Variants in NPHP4 observed in about 807,000 individuals in gnomAD.
NPHP4 encodes nephrocystin-4.
NPHP4 carries 151 observed loss-of-function variants against 155.8 expected under a neutral mutation model. The observed-to-expected ratio is 0.97, with a 90% CI of 0.85 to 1.11. The LOEUF is 1.11. Ranked by LOEUF, NPHP4 falls within the 50% of genes least tolerant of loss-of-function variation. The probability of loss-of-function intolerance (pLI) is 0.00; values close to 1 mark genes in which losing one functional copy is unlikely to be tolerated. For synonymous variants in NPHP4, 845 were observed against 816.8 expected, an observed-to-expected ratio of 1.03 and a Z score of -0.59; for missense variants, 1,956 against 1,925.7, an observed-to-expected ratio of 1.02 and a Z score of -0.29.
intron 15 of NPHP4, 143 bp from the exon 16 acceptor site, chr1:5,904,947 C>T (rs373255105): frequency 3.7e-5 from 29 of 783,516 alleles, no homozygotes; most frequent in Middle Eastern, 2.6e-4. Flanking sequence ...CCAATGCAAC[C>T]GCTTTGCTGT....
rs1165699052 is a variant in NPHP4 at position 5,977,652 on chromosome 1, A to G, written c.279+618T>C. On this transcript the variant is annotated intron_variant, in intron 3 of 29. Coordinates refer to ENST00000378156, the MANE Select transcript of NPHP4 (RefSeq NM_015102.5). ...GAATGGAATGTATGCTGTGCAGTGA[A>G]CCACAGAGACAGAGCATGCCGGCCC... Among the ~76,000 whole-genome samples, 6 of 150,682 alleles carry G rather than the reference A, an allele frequency of 4.0e-5. No homozygotes were observed. In the East Asian group the frequency reaches 1.0e-3, roughly 26 times the overall value.
intron 2 of NPHP4, among the ~76,000 whole-genome samples, chr1:5,983,902 A>T (rs1224481089): frequency 6.6e-6 from 1 of 152,162 alleles, no homozygotes; most frequent in African/African-American, 2.4e-5. Context: ...TCTACCTGCA[A>T]CCTGTTTACG....
At chr1:5,915,505 G>A (rs1353188352) in intron 11 of NPHP4, among the ~76,000 whole-genome samples, 1 of 152,186 alleles carries the variant, frequency 6.6e-6, no homozygotes, top group African/African-American at 2.4e-5. Context: ...TTTGAAAACA[G>A]GAATGGGAAA....
intron 17 of NPHP4, chr1:5,888,692 A>G (rs1255862140): frequency 2.1e-5 from 22 of 1,072,086 alleles, no homozygotes; most frequent in Non-Finnish European, 2.7e-5. Flanking sequence ...ACAAGGCACC[A>G]TTTTCCTCCC....
At chr1:5,966,050 C>T (rs994357916) in intron 5 of NPHP4, among the ~76,000 whole-genome samples, 10 of 152,164 alleles carry the variant, frequency 6.6e-5, no homozygotes, top group Non-Finnish European at 1.2e-4. Flanking sequence ...GCCCCTCTCT[C>T]GAAGGGTCTG....
chr1:5,875,264 C>T (rs1481393583), intron 20 of NPHP4, among the ~76,000 whole-genome samples, 164 bp from the exon 21 acceptor site: 4 of 152,154 alleles, frequency 2.6e-5, no homozygotes, highest in Admixed American at 6.5e-5. Context: ...TGGAACTGGC[C>T]GGCCCCGCCC....
intron 23 of NPHP4, chr1:5,868,123 G>T: frequency 1.5e-6 from 1 of 668,904 alleles, no homozygotes; most frequent in East Asian, 2.8e-5. Context: ...ACCCACACAG[G>T]GCACCCAAGC....
intron 16 of NPHP4, among the ~76,000 whole-genome samples, chr1:5,893,214 G>C (rs543719666): frequency 6.6e-6 from 1 of 152,206 alleles, no homozygotes; most frequent in Non-Finnish European, 1.5e-5. Flanking sequence ...GTGCGGCAAC[G>C]AGAGAGTGTA....
intron 29 of NPHP4, 102 bp downstream of exon 29, chr1:5,863,788 C>A: frequency 7.7e-7 from 1 of 1,300,626 alleles, no homozygotes; most frequent in Non-Finnish European, 1.1e-6. Flanking sequence ...TTTTGGAAGA[C>A]TGCTGGTGAT....
At chr1:5,868,165 G>A (rs1641465792) in intron 23 of NPHP4, 1 of 551,758 alleles carries the variant, frequency 1.8e-6, no homozygotes, top group Non-Finnish European at 3.4e-6. Flanking sequence ...CGCGAGTACA[G>A]CACACTTCTT....
intron 1 of NPHP4, among the ~76,000 whole-genome samples, chr1:5,986,598 C>T (rs1570769245): frequency 6.6e-6 from 1 of 152,236 alleles, no homozygotes; most frequent in East Asian, 1.9e-4. Context: ...CAATAACACA[C>T]TGTATCTAGG....
intron 7 of NPHP4, among the ~76,000 whole-genome samples, chr1:5,949,798 G>A (rs11120875): frequency 0.37 from 56,666 of 151,916 alleles, 11,367 homozygotes; most frequent in East Asian, 0.75. Context: ...GCCTGAATCC[G>A]GGACCACAAA....
At position 5,907,230 on chromosome 1, in the gene NPHP4, GA is replaced by G; in HGVS notation, c.1504-9del. ...CAGCTGGGAAATTGACAACTGGAAG[GA>G]AAGAGAGCACAGGTGAGGGGCTCAG... On this transcript the variant is annotated splice_polypyrimidine_tract_variant and intron_variant, in intron 12 of 29. Coordinates refer to ENST00000378156, the MANE Select transcript of NPHP4 (RefSeq NM_015102.5). 6.4e-7 allele frequency: 1 copy of G among 1,555,264 alleles called. No individual in the cohort carries two copies. Among genetic ancestry groups the G allele is most frequent in the Non-Finnish European group, 8.7e-7 (1 of 1,144,324 alleles).
Position 5,866,937 on chromosome 1 carries a change from T to G in NPHP4, c.3558+93A>C. 4 of 945,492 alleles carry G rather than the reference T, an allele frequency of 4.2e-6. No homozygotes were observed. The South Asian group carries it at 5.6e-5, about 13-fold the overall frequency. 58.6% of individuals were successfully genotyped at this position (945,492 alleles called of 1,614,324 possible). A position where few individuals can be genotyped will look rare whatever the true frequency, so the allele number is the denominator to read the frequency against. On this transcript the variant is annotated intron_variant, in intron 25 of 29. Coordinates refer to ENST00000378156, the MANE Select transcript of NPHP4 (RefSeq NM_015102.5). Reference sequence around the variant, plus strand: ...AAACCACTTAGCAGAAAACCTAAAATGAAGAGGATCCCAGGATACCCGTGG... The same window carrying G: ...AAACCACTTAGCAGAAAACCTAAAAGGAAGAGGATCCCAGGATACCCGTGG...
intron 9 of NPHP4, among the ~76,000 whole-genome samples, chr1:5,935,864 G>A (rs1322907552): frequency 6.6e-6 from 1 of 152,180 alleles, no homozygotes; most frequent in African/African-American, 2.4e-5. Context: ...GACAGAGTGA[G>A]ACTCCATCTC....
At chr1:5,902,009 T>C (rs769431078) in intron 16 of NPHP4, among the ~76,000 whole-genome samples, 2 of 152,148 alleles carry the variant, frequency 1.3e-5, no homozygotes, top group Non-Finnish European at 2.9e-5. Context: ...TGAAGGCCAG[T>C]GAGTTGAGAA....
intron 1 of NPHP4, among the ~76,000 whole-genome samples, chr1:5,991,054 C>G (rs1474874372): frequency 6.6e-6 from 1 of 152,056 alleles, no homozygotes; most frequent in Non-Finnish European, 1.5e-5. Flanking sequence ...GTGAGCAGGG[C>G]TGAAGGAAGA....
chr1:5,883,946 G>C (rs1156746940), intron 18 of NPHP4, among the ~76,000 whole-genome samples: 3 of 152,176 alleles, frequency 2.0e-5, no homozygotes, highest in Non-Finnish European at 4.4e-5. Flanking sequence ...TGGCTGCAGC[G>C]GGTGTGACCA....
chr1:5,985,279 T>C (rs1214316891), intron 2 of NPHP4, among the ~76,000 whole-genome samples: 1 of 152,252 alleles, frequency 6.6e-6, no homozygotes, highest in African/African-American at 2.4e-5. Context: ...GACTGATCCT[T>C]CTCACGCATT....
Sources: gnomAD v4.1 joint callset for allele counts (sites outside exome capture counted in the v4.1 genomes callset) on GRCh38, gnomAD v4.1.1 for gene constraint, MANE v1.5 for transcripts, NCBI Gene and HGNC (gene_info 2026-07-23, HGNC 2026-07-21) for gene names.